RTF1: variants seen among roughly 807,000 people sequenced by gnomAD.
RTF1 encodes RTF1 homolog, Paf1/RNA polymerase II complex component, also known as RNA polymerase-associated protein RTF1 homolog.
RTF1 carries 10 observed loss-of-function variants against 95.7 expected under a neutral mutation model. The observed-to-expected ratio is 0.10, with a 90% CI of 0.06 to 0.18. The LOEUF (loss-of-function observed/expected upper bound fraction) is 0.18, where lower values mean the gene tolerates loss of function less well. Ranked by LOEUF, RTF1 falls within the 10% of genes least tolerant of loss-of-function variation. The probability of loss-of-function intolerance (pLI) is 1.00; values close to 1 mark genes in which losing one functional copy is unlikely to be tolerated. For synonymous variants in RTF1, 305 were observed against 311.8 expected (o/e 0.98, Z 0.23); for missense variants, 458 against 875.6 (o/e 0.52, Z 6.02).
At chr15:41,452,320 C>T (rs2050792988) in intron 2 of RTF1, among the ~76,000 whole-genome samples, 1 of 151,886 alleles carries the variant, frequency 6.6e-6, no homozygotes, top group South Asian at 2.1e-4. Flanking sequence ...CCTATGGTCC[C>T]AACTACTTGG....
At chr15:41,477,771 T>C (rs1566850349) in intron 14 of RTF1, among the ~76,000 whole-genome samples, 1 of 152,208 alleles carries the variant, frequency 6.6e-6, no homozygotes, top group Non-Finnish European at 1.5e-5. Context: ...TTTCTGTTTC[T>C]TGGTTGTTTC....
At chr15:41,434,640 CT>C (rs1373606873) in intron 1 of RTF1, among the ~76,000 whole-genome samples, 9 of 112,450 alleles carry the variant, frequency 8.0e-5, no homozygotes, top group African/African-American at 2.7e-4. Flanking sequence ...TTTTTTTTTT[CT>C]TTTTGAGATG....
intron 16 of RTF1, among the ~76,000 whole-genome samples, chr15:41,479,625 C>T (rs547001768): frequency 1.3e-4 from 20 of 152,132 alleles, no homozygotes; most frequent in African/African-American, 3.6e-4. Context: ...CTTTGGGAGG[C>T]GGAGGTGGGC....
chr15:41,432,992 C>T (rs2050683136), intron 1 of RTF1, among the ~76,000 whole-genome samples: 1 of 152,018 alleles, frequency 6.6e-6, no homozygotes, highest in Non-Finnish European at 1.5e-5. Flanking sequence ...GTGGCTCACA[C>T]CTGTAATCCC....
chr15:41,443,206 T>C (rs2050744413), intron 2 of RTF1, among the ~76,000 whole-genome samples: 1 of 152,154 alleles, frequency 6.6e-6, no homozygotes, highest in South Asian at 2.1e-4. Flanking sequence ...CTCTGAAAGT[T>C]TTCTATCCTG....
chr15:41,448,881 A>C (rs916258036), intron 2 of RTF1: 1 of 151,808 alleles, frequency 6.6e-6, no homozygotes, highest in Non-Finnish European at 1.5e-5. Flanking sequence ...ATATTAAATT[A>C]AATTAATTAA....
At chr15:41,478,754 T>A (rs1344457434) in intron 15 of RTF1, 129 bp downstream of exon 15, 1 of 788,006 alleles carries the variant, frequency 1.3e-6, no homozygotes, top group Non-Finnish European at 2.1e-6. Flanking sequence ...CTGAAGCTCT[T>A]GGGTCTGGAT....
intron 6 of RTF1, among the ~76,000 whole-genome samples, chr15:41,468,538 T>A (rs141874396): frequency 9.4e-4 from 143 of 152,154 alleles, no homozygotes; most frequent in African/African-American, 3.4e-3. Flanking sequence ...AGGATGGTCT[T>A]GATCTCCTGA....
chr15:41,446,885 C>T (rs1217838589), intron 2 of RTF1, among the ~76,000 whole-genome samples: 1 of 151,888 alleles, frequency 6.6e-6, no homozygotes. Flanking sequence ...TTACTGCAAC[C>T]TCCACCTCCC....
At position 41,480,891 on chromosome 15, in the gene RTF1, C is replaced by T; in HGVS notation, c.*204C>T. ...CATCTCCCACCAGCCTCCCCTCCCC[C>T]AGGGCCCCACCCAGTGTGGGCCTGG... On this transcript the variant is annotated 3_prime_UTR_variant, in exon 18 of 18. Transcript: ENST00000389629. The T allele has an allele frequency of 1.7e-6, 1 of 580,346 alleles. No homozygotes were observed. The highest frequency in any genetic ancestry group is 2.1e-5 in the South Asian group (1 of 48,152). The allele number at this position is 580,346 out of a possible 1,614,324, so 35.9% of individuals were successfully genotyped here.
At chr15:41,421,404 C>T (rs889017505) in intron 1 of RTF1, among the ~76,000 whole-genome samples, 3 of 150,810 alleles carry the variant, frequency 2.0e-5, no homozygotes, top group Non-Finnish European at 4.4e-5. Context: ...TGTGGTGAGC[C>T]GAGATCGTGC....
In RTF1 at chr15:41,472,782, A is replaced by G. The variant is rs762389612; in HGVS notation, c.1203+1433A>G. On this transcript the variant is annotated intron_variant, in intron 8 of 17. Coordinates refer to ENST00000389629, the MANE Select transcript of RTF1 (RefSeq NM_015138.5). ...AGTGGCACGATCTCGGCTCACTGCA[A>G]ACTCTGGCTCCCAGGTTCACGCCAT... Among the ~76,000 whole-genome samples the G allele has an allele frequency of 7.3e-5, 11 of 151,670 alleles. No individual in the cohort carries two copies. The East Asian group carries it at 1.2e-3, about 16-fold the overall frequency.
intron 2 of RTF1, among the ~76,000 whole-genome samples, chr15:41,446,637 G>C (rs747122716): frequency 6.6e-6 from 1 of 152,008 alleles, no homozygotes; most frequent in Non-Finnish European, 1.5e-5. Flanking sequence ...GCTAAAACTT[G>C]TCTTATTCTC....
chr15:41,482,133 T>G lies in RTF1; in HGVS notation c.*1446T>G, dbSNP rs113459896. ...GCATGTGCAGTTTTGTGTGTGTGTA[T>G]ACATATATATGGTCAGCATATATAT... is the stretch of plus-strand genomic sequence containing the variant. On this transcript the variant is annotated 3_prime_UTR_variant, in exon 18 of 18. Transcript: ENST00000389629. The G allele has an allele frequency of 6.6e-6, 1 of 152,418 alleles. No homozygotes were observed. Among genetic ancestry groups the G allele is most frequent in the Non-Finnish European group, 1.5e-5 (1 of 68,050 alleles). The allele number at this position is 152,418 out of a possible 1,614,324, so 9.4% of individuals were successfully genotyped here.
intron 1 of RTF1, among the ~76,000 whole-genome samples, chr15:41,424,088 C>T (rs996115343): frequency 1.1e-4 from 16 of 152,084 alleles, no homozygotes; most frequent in Non-Finnish European, 1.8e-4. Flanking sequence ...TATTAGACAG[C>T]GTTAGACACT....
chr15:41,470,832 G>A (rs2050907714), intron 7 of RTF1, among the ~76,000 whole-genome samples: 1 of 151,656 alleles, frequency 6.6e-6, no homozygotes, highest in South Asian at 2.1e-4. Flanking sequence ...CTAATTTTTT[G>A]TATTTTTAAT....
chr15:41,424,000 T>G (rs2050616314), intron 1 of RTF1, among the ~76,000 whole-genome samples: 1 of 152,140 alleles, frequency 6.6e-6, no homozygotes, highest in Non-Finnish European at 1.5e-5. Flanking sequence ...TGATCCGCCC[T>G]CCTTGGCTTC....
Position 41,481,938 on chromosome 15 carries a change from G to T in RTF1, c.*1251G>T, listed in dbSNP as rs1480174358. ...CTACTAAAACTACAAAACTTAGCCG[G>T]GCATGGTGGTGCGTGCCTGTAATCC... On this transcript the variant is annotated 3_prime_UTR_variant, in exon 18 of 18. Coordinates refer to ENST00000389629, the MANE Select transcript of RTF1 (RefSeq NM_015138.5). 2 of 152,166 alleles carry T rather than the reference G, an allele frequency of 1.3e-5. No individual in the cohort carries two copies. The highest frequency in any genetic ancestry group is 4.8e-5 in the African/African-American group (2 of 41,416). The allele number at this position is 152,166 out of a possible 1,614,324, so 9.4% of individuals were successfully genotyped here.
At chr15:41,460,879 C>CTTTTTTTTT (rs765169928) in intron 4 of RTF1, among the ~76,000 whole-genome samples, 1 of 135,390 alleles carries the variant, frequency 7.4e-6, no homozygotes, top group Non-Finnish European at 1.6e-5. Flanking sequence ...TCTTTTTTTT[C>CTTTTTTTTT]TTTTTTTTTT....
Sources: allele counts gnomAD v4.1 joint callset (sites outside exome capture counted in the v4.1 genomes callset), GRCh38; gene constraint gnomAD v4.1.1; transcripts MANE v1.5; gene names NCBI Gene and HGNC (gene_info 2026-07-23, HGNC 2026-07-21).